Variants in ARID2 observed in about 807,000 individuals in gnomAD.
ARID2 encodes the protein AT-rich interactive domain-containing protein 2.
Under a neutral mutation model 184.6 loss-of-function variants are expected in ARID2, and 32 were observed. That is an observed-to-expected ratio of 0.17 (90% CI 0.13 to 0.23). ARID2 has a LOEUF of 0.23. ARID2 is among the 10% of genes least tolerant of loss of function. The pLI, the probability that ARID2 is intolerant of heterozygous loss-of-function variation, is 1.00. For synonymous variants in ARID2, 836 were observed against 772.6 expected, an observed-to-expected ratio of 1.08 and a Z score of -1.36; for missense variants, 1,696 against 2,197.6, an observed-to-expected ratio of 0.77 and a Z score of 4.56.
At chr12:45,757,570 A>G (rs1263320982) in intron 3 of ARID2, among the ~76,000 whole-genome samples, 2 of 152,242 alleles carry the variant, frequency 1.3e-5, no homozygotes, top group African/African-American at 4.8e-5. Flanking sequence ...GATCATGATC[A>G]CAGAGAGCTT....
At chr12:45,741,795 A>G (rs1187169329) in intron 3 of ARID2, among the ~76,000 whole-genome samples, 2 of 151,618 alleles carry the variant, frequency 1.3e-5, no homozygotes, top group African/African-American at 4.8e-5. Flanking sequence ...GCGGAATGGT[A>G]TATAGAAACC....
rs1328431676 is a variant in ARID2, at chr12:45,729,785, G to A, written c.-52G>A. 2.6e-6 allele frequency: 4 copies of A among 1,512,276 alleles called. No homozygotes were observed. Among genetic ancestry groups the A allele is most frequent in the Non-Finnish European group, 3.6e-6 (4 of 1,112,960 alleles). 93.7% of individuals were successfully genotyped at this position (1,512,276 alleles called of 1,614,324 possible). A position where few individuals can be genotyped will look rare whatever the true frequency, so the allele number is the denominator to read the frequency against. On this transcript the variant is annotated 5_prime_UTR_variant, in exon 1 of 21. Coordinates refer to ENST00000334344, the MANE Select transcript of ARID2 (RefSeq NM_152641.4). ...TGGTAGGAAGCGCTGGGAGCGGGGG[G>A]CGCTTTTAAAACACCGATCTGGGTT...
chr12:45,747,693 A>AT (rs1219777181), intron 3 of ARID2, among the ~76,000 whole-genome samples: 2 of 152,098 alleles, frequency 1.3e-5, no homozygotes, highest in South Asian at 2.1e-4. Context: ...AAAGCTTAAC[A>AT]TTTTTTTGTG....
chr12:45,805,929 C>G (rs985719127), intron 3 of ARID2, among the ~76,000 whole-genome samples: 1 of 152,166 alleles, frequency 6.6e-6, no homozygotes, highest in Non-Finnish European at 1.5e-5. Flanking sequence ...CACTTTCCCC[C>G]TTGGTAATCA....
chr12:45,876,676 G>A (rs1944015040), intron 16 of ARID2, among the ~76,000 whole-genome samples: 1 of 151,328 alleles, frequency 6.6e-6, no homozygotes, highest in South Asian at 2.1e-4. Flanking sequence ...TAATGAAAGT[G>A]TTTTAAATAT....
At chr12:45,801,742 G>A (rs1942505590) in intron 3 of ARID2, among the ~76,000 whole-genome samples, 1 of 152,014 alleles carries the variant, frequency 6.6e-6, no homozygotes, top group African/African-American at 2.4e-5. Flanking sequence ...GAAAAACAAG[G>A]AGAAACCACT....
chr12:45,841,685 A>T (rs1319312226), intron 11 of ARID2: 2 of 152,210 alleles, frequency 1.3e-5, no homozygotes, highest in East Asian at 3.8e-4. Context: ...CTACATTTTT[A>T]AAAGAAAATA....
At chr12:45,808,127 C>T (rs1258464434) in intron 3 of ARID2, among the ~76,000 whole-genome samples, 1 of 152,166 alleles carries the variant, frequency 6.6e-6, no homozygotes, top group Non-Finnish European at 1.5e-5. Flanking sequence ...TGCAGTCTAG[C>T]ATTTGTAGTT....
At chr12:45,838,872 T>G (rs1457110001) in intron 10 of ARID2, among the ~76,000 whole-genome samples, 1 of 151,240 alleles carries the variant, frequency 6.6e-6, no homozygotes, top group Non-Finnish European at 1.5e-5. Flanking sequence ...TGTTTTGTTT[T>G]TTTTTTTTTT....
intron 15 of ARID2, among the ~76,000 whole-genome samples, chr12:45,854,854 A>G (rs1208201757): frequency 2.0e-5 from 3 of 152,224 alleles, no homozygotes; most frequent in Non-Finnish European, 4.4e-5. Context: ...TTCTCATTTA[A>G]TCCTCACACA....
chr12:45,752,650 T>C (rs1941485176), intron 3 of ARID2, among the ~76,000 whole-genome samples: 1 of 152,158 alleles, frequency 6.6e-6, no homozygotes, highest in African/African-American at 2.4e-5. Context: ...CTCTCCTGAG[T>C]AGCTAGGACT....
intron 4 of ARID2, among the ~76,000 whole-genome samples, chr12:45,816,462 T>C (rs1355441276): frequency 3.9e-5 from 6 of 152,232 alleles, no homozygotes. Flanking sequence ...AGGAACTCTT[T>C]ATATTGCTGA....
chr12:45,897,799 T>C (rs868441364), intron 20 of ARID2, among the ~76,000 whole-genome samples: 1 of 152,164 alleles, frequency 6.6e-6, no homozygotes, highest in Non-Finnish European at 1.5e-5. Context: ...AATTTACTTA[T>C]AGTAAAGTTC....
intron 11 of ARID2, chr12:45,846,088 A>G (rs1943434366): frequency 6.6e-6 from 1 of 152,162 alleles, no homozygotes; most frequent in Non-Finnish European, 1.5e-5. Context: ...TTACTCATTT[A>G]TTCATTGACC....
At chr12:45,842,521 G>A (rs1322639928) in intron 11 of ARID2, among the ~76,000 whole-genome samples, 1 of 151,978 alleles carries the variant, frequency 6.6e-6, no homozygotes, top group Non-Finnish European at 1.5e-5. Context: ...CACTTTGGGA[G>A]GCCAAGGCGG....
intron 20 of ARID2, among the ~76,000 whole-genome samples, chr12:45,903,817 G>A (rs1327454247): frequency 6.6e-6 from 1 of 151,498 alleles, no homozygotes; most frequent in Non-Finnish European, 1.5e-5. Flanking sequence ...TTTAATGAAG[G>A]CACCAAGGTT....
chr12:45,770,099 A>C (rs1427641142), intron 3 of ARID2, among the ~76,000 whole-genome samples: 4 of 152,078 alleles, frequency 2.6e-5, no homozygotes, highest in Non-Finnish European at 5.9e-5. Context: ...CTAAAAATAC[A>C]AAAAGTAGCC....
intron 11 of ARID2, chr12:45,846,026 A>T (rs1943433342): frequency 6.6e-6 from 1 of 152,198 alleles, no homozygotes; most frequent in East Asian, 1.9e-4. Flanking sequence ...AAAAGGTAAC[A>T]TACATCATTT....
intron 3 of ARID2, among the ~76,000 whole-genome samples, chr12:45,774,087 G>T (rs1325289277): frequency 6.6e-6 from 1 of 152,098 alleles, no homozygotes; most frequent in Non-Finnish European, 1.5e-5. Context: ...TGTATTGCCT[G>T]AGTGAGGGAA....
Sources: allele counts gnomAD v4.1 joint callset (sites outside exome capture counted in the v4.1 genomes callset), GRCh38; gene constraint gnomAD v4.1.1; transcripts MANE v1.5; gene names NCBI Gene and HGNC (gene_info 2026-07-23, HGNC 2026-07-21).